The following NF1 variants were observed in gnomAD, a reference collection of about 807,000 sequenced individuals.
NF1 encodes the protein neurofibromin.
A neutral mutation model predicts 325.7 loss-of-function variants in NF1; 122 were observed. That is an observed-to-expected ratio of 0.37 (90% CI 0.32 to 0.44). The LOEUF (loss-of-function observed/expected upper bound fraction) is 0.44, where lower values mean the gene tolerates loss of function less well. Among genes scored for constraint, NF1 ranks in the 20% least tolerant of loss-of-function variants. The pLI, the probability that NF1 is intolerant of heterozygous loss-of-function variation, is 1.00. For synonymous variants in NF1, 1,091 were observed against 1,186.0 expected (o/e 0.92, Z 1.65); for missense variants, 2,140 against 3,415.4 (o/e 0.63, Z 9.31).
At chr17:31,235,542 C>T (rs771522178) in intron 27 of NF1, 69 bp from the exon 28 acceptor site, 8 of 1,583,762 alleles carry the variant, frequency 5.1e-6, no homozygotes, top group Non-Finnish European at 6.9e-6. Context: ...ATTTTTGCTA[C>T]TCTTTAGCTT....
At chr17:31,108,654 C>G (rs1322418298) in intron 1 of NF1, among the ~76,000 whole-genome samples, 1 of 152,154 alleles carries the variant, frequency 6.6e-6, no homozygotes, top group African/African-American at 2.4e-5. Flanking sequence ...TATTCCTACC[C>G]ATTTCCTGCT....
intron 8 of NF1, among the ~76,000 whole-genome samples, chr17:31,188,916 A>G (rs373804772): frequency 1.3e-5 from 2 of 152,162 alleles, no homozygotes; most frequent in African/African-American, 4.8e-5. Flanking sequence ...CAGACAGCCT[A>G]TTGTGGGACC....
chr17:31,154,284 T>A (rs1162381384), intron 1 of NF1, among the ~76,000 whole-genome samples: 1 of 152,218 alleles, frequency 6.6e-6, no homozygotes, highest in African/African-American at 2.4e-5. Flanking sequence ...CTTGAACTTT[T>A]GACCTCAAGT....
At chr17:31,300,117 T>C (rs907719682) in intron 36 of NF1, among the ~76,000 whole-genome samples, 1 of 152,080 alleles carries the variant, frequency 6.6e-6, no homozygotes, top group African/African-American at 2.4e-5. Flanking sequence ...TCTAATGCAA[T>C]GTGAAATAAT....
At chr17:31,175,740 T>C (rs552791300) in intron 5 of NF1, among the ~76,000 whole-genome samples, 7 of 152,336 alleles carry the variant, frequency 4.6e-5, no homozygotes, top group South Asian at 2.1e-4. Flanking sequence ...TGTGTTCTTA[T>C]GGTTCATCTC....
At chr17:31,180,916 A>G (rs1251977210) in intron 5 of NF1, among the ~76,000 whole-genome samples, 4 of 152,354 alleles carry the variant, frequency 2.6e-5, no homozygotes, top group African/African-American at 2.4e-5. Flanking sequence ...TACAAAATCA[A>G]TGTGCAAAAA....
chr17:31,227,045 A>G (rs2067026813), intron 18 of NF1, among the ~76,000 whole-genome samples, 173 bp from the exon 19 acceptor site: 1 of 152,222 alleles, frequency 6.6e-6, no homozygotes, highest in East Asian at 1.9e-4. Flanking sequence ...TGGACATTGT[A>G]GAGTCCAAGA....
Position 31,307,240 on chromosome 17 carries a change from G to A in NF1, c.4836-18580G>A, listed in dbSNP as rs150797181. ...TTTCACCGTGTTGGCCAGGCTGCTC[G>A]AGAACTGACCTCAGGTGATCTGCCT... is the stretch of plus-strand genomic sequence containing the variant. On this transcript the variant is annotated intron_variant, in intron 36 of 57. Transcript: ENST00000358273. Among the ~76,000 whole-genome samples the A allele has an allele frequency of 3.8e-4, 57 of 151,652 alleles. 1 individual carries two copies. The South Asian group carries it at 5.0e-3, about 13-fold the overall frequency.
At chr17:31,273,954 T>G (rs1005567790) in intron 36 of NF1, among the ~76,000 whole-genome samples, 2 of 152,172 alleles carry the variant, frequency 1.3e-5, no homozygotes, top group African/African-American at 4.8e-5. Flanking sequence ...TTAAACCAAG[T>G]AAGTGTATTA....
intron 3 of NF1, among the ~76,000 whole-genome samples, chr17:31,162,035 C>CA (rs781244510): frequency 0.59 from 31,727 of 54,156 alleles, 10,363 homozygotes; most frequent in Middle Eastern, 0.79. Context: ...GACTCCATCT[C>CA]AAAAAAAAAA....
In NF1 at chr17:31,357,654, C is replaced by G. The variant is rs2070307025; in HGVS notation, c.7970+285C>G. The G allele has an allele frequency of 6.5e-6, 3 of 463,204 alleles. No individual in the cohort carries two copies. The South Asian group carries it at 6.7e-5, about 10-fold the overall frequency. 28.7% of individuals were successfully genotyped at this position (463,204 alleles called of 1,614,324 possible). A position where few individuals can be genotyped will look rare whatever the true frequency, so the allele number is the denominator to read the frequency against. On this transcript the variant is annotated intron_variant, in intron 54 of 57. Coordinates refer to ENST00000358273, the MANE Select transcript of NF1 (RefSeq NM_001042492.3). ...CACTTAGAAGCAAACTATTAGACTGCTATATCTAAATCAGCATATCTGTTT... is the reference window on the plus strand; with the variant it reads ...CACTTAGAAGCAAACTATTAGACTGGTATATCTAAATCAGCATATCTGTTT...
chr17:31,261,680 A>G (rs2067688431), intron 34 of NF1, 31 bp from the exon 35 acceptor site: 5 of 1,611,054 alleles, frequency 3.1e-6, no homozygotes, highest in Admixed American at 3.3e-5. Context: ...TGAACTGCTA[A>G]TTTTTTTTCT....
At chr17:31,298,747 A>C (rs974972158) in intron 36 of NF1, among the ~76,000 whole-genome samples, 1 of 152,130 alleles carries the variant, frequency 6.6e-6, no homozygotes, top group African/African-American at 2.4e-5. Context: ...TGTGTTAAAA[A>C]TACTACATTC....
Position 31,357,388 on chromosome 17 carries a change from T to C in NF1, c.7970+19T>C, listed in dbSNP as rs1385428545. ...CTGTTGTGTAAGTATCTCCTTTTGA[T>C]TTTAATTCACCTTCGTGCCTGTCTT... On this transcript the variant is annotated intron_variant, in intron 54 of 57. Coordinates refer to ENST00000358273, the MANE Select transcript of NF1 (RefSeq NM_001042492.3). 1.3e-6 allele frequency: 2 copies of C among 1,579,162 alleles called. No homozygotes were observed. The highest frequency in any genetic ancestry group is 1.7e-6 in the Non-Finnish European group (2 of 1,148,234).
At chr17:31,149,248 A>G (rs1464003358) in intron 1 of NF1, among the ~76,000 whole-genome samples, 1 of 151,950 alleles carries the variant, frequency 6.6e-6, no homozygotes, top group East Asian at 1.9e-4. Flanking sequence ...CTCTTTCAGC[A>G]TATATAAATA....
intron 13 of NF1, among the ~76,000 whole-genome samples, chr17:31,216,996 C>T (rs889433034): frequency 2.6e-5 from 4 of 152,128 alleles, no homozygotes; most frequent in African/African-American, 9.7e-5. Flanking sequence ...GCAGCATGTA[C>T]CTTAATAATA....
At chr17:31,181,282 A>G (rs1394316672) in intron 5 of NF1, 140 bp from the exon 6 acceptor site, 2 of 741,462 alleles carry the variant, frequency 2.7e-6, no homozygotes, top group Non-Finnish European at 4.4e-6. Context: ...TTTTGGGTTT[A>G]TGTTAGGTGT....
Position 31,229,851 on chromosome 17 carries a change from C to T in NF1, c.2867C>T (p.Thr956Ile), listed in dbSNP as rs1323973848. 6.2e-7 allele frequency: 1 copy of T among 1,611,540 alleles called. No individual in the cohort carries two copies. Among genetic ancestry groups the T allele is most frequent in the Non-Finnish European group, 8.5e-7 (1 of 1,179,660 alleles). The change falls in exon 22 of 58, where the codon ACC becomes ATC. Residue 956 changes from threonine to isoleucine, a missense_variant. Transcript: ENST00000358273. ...DSQGQVLLTDTNTQFVEQTIA... is the reference protein window; with the variant it reads ...DSQGQVLLTDINTQFVEQTIA... ...TTTCTTTAGGTTTTATTGACTGATA[C>T]CAATACTCAATTTGTAGAACAAACC...
chr17:31,326,337 C>T, intron 37 of NF1, 85 bp downstream of exon 37: 2 of 1,330,240 alleles, frequency 1.5e-6, no homozygotes, highest in Admixed American at 1.7e-5. Flanking sequence ...GGTGTCCTAC[C>T]CCTATAGTGG....
Sources: allele counts gnomAD v4.1 joint callset (sites outside exome capture counted in the v4.1 genomes callset), GRCh38; gene constraint gnomAD v4.1.1; transcripts MANE v1.5; gene names NCBI Gene and HGNC (gene_info 2026-07-23, HGNC 2026-07-21).